The following SLIT3 variants were observed in gnomAD, a reference collection of about 807,000 sequenced individuals.
SLIT3 encodes the protein slit guidance ligand 3, also known as slit homolog 3 protein.
Under a neutral mutation model 184.0 loss-of-function variants are expected in SLIT3, and 68 were observed. The ratio of observed to expected loss-of-function variants is 0.37; its 90% confidence interval spans 0.30 to 0.45. The LOEUF is 0.45. Ranked by LOEUF, SLIT3 falls within the 20% of genes least tolerant of loss-of-function variation. SLIT3 has a pLI of 1.00. For synonymous variants in SLIT3, 831 were observed against 828.6 expected, an observed-to-expected ratio of 1.00 and a Z score of -0.05; for missense variants, 1,707 against 2,026.0, an observed-to-expected ratio of 0.84 and a Z score of 3.02.
At chr5:169,060,499 CA>C (rs1283175103) in intron 4 of SLIT3, among the ~76,000 whole-genome samples, 2 of 152,234 alleles carry the variant, frequency 1.3e-5, no homozygotes, top group Non-Finnish European at 2.9e-5. Flanking sequence ...CTGCTTCAGT[CA>C]CTCAGGTAAC....
chr5:168,792,896 G>C (rs1336750607), intron 10 of SLIT3, among the ~76,000 whole-genome samples: 1 of 152,190 alleles, frequency 6.6e-6, no homozygotes, highest in Non-Finnish European at 1.5e-5. Context: ...CTGACCTCAT[G>C]TGACTGATGG....
chr5:168,683,973 C>T lies in SLIT3; in HGVS notation c.3679G>A (p.Val1227Met). The T allele has an allele frequency of 6.3e-7, 1 of 1,582,074 alleles. No individual in the cohort carries two copies. Among genetic ancestry groups the T allele is most frequent in the East Asian group, 2.3e-5 (1 of 42,680 alleles). The part of the protein sequence containing the change: ...YDSLSSPPTT[V>M]YSVETVNDGQ... ...AGGGAGAGAGGCCCTTACCTGTACA[C>T]TGTGGTTGGAGGGGAACTCAGGCTG... is the stretch of plus-strand genomic sequence containing the variant. The change falls in exon 32 of 36, where the codon GTG (valine) becomes ATG (methionine). Residue 1227 changes from valine to methionine, a missense_variant. Coordinates refer to ENST00000519560, the MANE Select transcript of SLIT3 (RefSeq NM_003062.4).
At chr5:168,992,978 C>T (rs956697591) in intron 4 of SLIT3, 2 of 152,200 alleles carry the variant, frequency 1.3e-5, no homozygotes, top group Non-Finnish European at 2.9e-5. Context: ...AGCTTCAAAG[C>T]CGTCTCTTCA....
chr5:169,158,848 G>T (rs772903130), intron 4 of SLIT3, among the ~76,000 whole-genome samples: 1 of 151,948 alleles, frequency 6.6e-6, no homozygotes, highest in Non-Finnish European at 1.5e-5. Context: ...AATCAAAATG[G>T]AATTCTAAAA....
chr5:169,061,496 T>C (rs1186844599), intron 4 of SLIT3, among the ~76,000 whole-genome samples: 2 of 152,200 alleles, frequency 1.3e-5, no homozygotes, highest in East Asian at 3.9e-4. Context: ...AATCCACCCA[T>C]GGTTCTGATC....
chr5:168,767,125 A>G (rs1755372297), intron 14 of SLIT3, among the ~76,000 whole-genome samples: 2 of 152,222 alleles, frequency 1.3e-5, no homozygotes, highest in South Asian at 4.1e-4. Context: ...ATGTGAAAAC[A>G]GTTCACTGCC....
At chr5:168,972,444 A>G (rs537631764) in intron 4 of SLIT3, among the ~76,000 whole-genome samples, 1 of 149,666 alleles carries the variant, frequency 6.7e-6, no homozygotes, top group South Asian at 2.1e-4. Flanking sequence ...ATTATGGCGG[A>G]CCCTTTTCCT....
intron 1 of SLIT3, among the ~76,000 whole-genome samples, chr5:169,268,140 T>A (rs546413837): frequency 6.6e-6 from 1 of 152,290 alleles, no homozygotes; most frequent in South Asian, 2.1e-4. Flanking sequence ...CCCTAATAAC[T>A]CTTTAATTTG....
intron 4 of SLIT3, among the ~76,000 whole-genome samples, chr5:169,078,265 C>A (rs76860378): frequency 1.3e-5 from 2 of 152,266 alleles, no homozygotes; most frequent in Non-Finnish European, 2.9e-5. Context: ...CAAAAGATTC[C>A]CTGGCTTCCT....
chr5:168,987,152 C>T (rs1755158972), intron 4 of SLIT3, among the ~76,000 whole-genome samples: 1 of 152,232 alleles, frequency 6.6e-6, no homozygotes, highest in Non-Finnish European at 1.5e-5. Context: ...ATCCATCCTT[C>T]AACAGCTACT....
intron 14 of SLIT3, among the ~76,000 whole-genome samples, chr5:168,770,136 G>T (rs990416182): frequency 2.6e-5 from 4 of 152,170 alleles, no homozygotes; most frequent in Admixed American, 2.6e-4. Flanking sequence ...GCCAGACGGA[G>T]CCTTTTCAGG....
intron 20 of SLIT3, among the ~76,000 whole-genome samples, chr5:168,744,948 T>C (rs897142733): frequency 1.3e-4 from 20 of 152,326 alleles, no homozygotes; most frequent in African/African-American, 4.6e-4. Flanking sequence ...TGTAAGGCCA[T>C]AACTGCCATA....
chr5:168,686,829 C>T, intron 30 of SLIT3, 150 bp downstream of exon 30: 1 of 829,304 alleles, frequency 1.2e-6, no homozygotes, highest in Non-Finnish European at 1.9e-6. Flanking sequence ...GTAAGGACTG[C>T]AAAGGTATCA....
chr5:169,132,379 A>T (rs760195693), intron 4 of SLIT3, among the ~76,000 whole-genome samples: 2 of 152,200 alleles, frequency 1.3e-5, no homozygotes, highest in Non-Finnish European at 2.9e-5. Context: ...ATATCCATTA[A>T]AACACAGGGT....
intron 23 of SLIT3, among the ~76,000 whole-genome samples, chr5:168,721,714 C>A (rs1762945985): frequency 6.6e-6 from 1 of 152,154 alleles, no homozygotes; most frequent in South Asian, 2.1e-4. Flanking sequence ...GCTTATTAAG[C>A]TTTGTGTTCT....
intron 4 of SLIT3, among the ~76,000 whole-genome samples, chr5:169,130,966 G>GA (rs959477832): frequency 1.4e-4 from 21 of 151,870 alleles, no homozygotes; most frequent in African/African-American, 4.6e-4. Flanking sequence ...TTTAAGTGGT[G>GA]AAAAAAAATC....
At chr5:169,290,249 A>G (rs971851943) in intron 1 of SLIT3, among the ~76,000 whole-genome samples, 1 of 151,602 alleles carries the variant, frequency 6.6e-6, no homozygotes, top group Admixed American at 6.6e-5. Flanking sequence ...ATGCTAGGGC[A>G]CATGCTGGGA....
chr5:169,057,529 G>A (rs1758041685), intron 4 of SLIT3, among the ~76,000 whole-genome samples: 1 of 152,352 alleles, frequency 6.6e-6, no homozygotes, highest in African/African-American at 2.4e-5. Flanking sequence ...CCCAGAGGGG[G>A]ATGTAGAGGG....
At chr5:169,264,816 C>G (rs1367083183) in intron 1 of SLIT3, among the ~76,000 whole-genome samples, 1 of 152,202 alleles carries the variant, frequency 6.6e-6, no homozygotes, top group African/African-American at 2.4e-5. Flanking sequence ...AGTTTAAAAA[C>G]ATACACGCAT....
Sources: allele counts gnomAD v4.1 joint callset (sites outside exome capture counted in the v4.1 genomes callset), GRCh38; gene constraint gnomAD v4.1.1; transcripts MANE v1.5; gene names NCBI Gene and HGNC (gene_info 2026-07-23, HGNC 2026-07-21).